Variants in TIAM2 observed in about 807,000 individuals in gnomAD.
The protein encoded by TIAM2 is rho guanine nucleotide exchange factor TIAM2.
Under a neutral mutation model 152.9 loss-of-function variants are expected in TIAM2, and 80 were observed. The observed-to-expected ratio is 0.52, with a 90% CI of 0.44 to 0.63. TIAM2 has a LOEUF of 0.63. TIAM2 is among the 30% of genes least tolerant of loss of function. TIAM2 has a pLI of 0.00. For missense variants in TIAM2, 1,965 were observed against 2,120.1 expected (o/e 0.93, Z 1.44); for synonymous variants, 804 against 838.0 (o/e 0.96, Z 0.70).
At chr6:155,119,092 T>A (rs374687662) in intron 2 of TIAM2, among the ~76,000 whole-genome samples, 1 of 151,872 alleles carries the variant, frequency 6.6e-6, no homozygotes, top group Non-Finnish European at 1.5e-5. Flanking sequence ...TGGAGTGCAG[T>A]GGCGCGATCT....
intron 2 of TIAM2, among the ~76,000 whole-genome samples, chr6:155,098,263 C>G (rs2151954): frequency 0.6 from 90,812 of 151,868 alleles, 28,439 homozygotes; most frequent in African/African-American, 0.77. Context: ...AATTGCTTTG[C>G]GTAGTATTGC....
intron 1 of TIAM2, among the ~76,000 whole-genome samples, chr6:155,046,057 A>G (rs1777167816): frequency 6.6e-6 from 1 of 151,442 alleles, no homozygotes; most frequent in African/African-American, 2.4e-5. Flanking sequence ...CTGCTCCCAC[A>G]CCATTGCCTT....
At chr6:155,198,555 G>T (rs139583104) in intron 14 of TIAM2, among the ~76,000 whole-genome samples, 2 of 150,954 alleles carry the variant, frequency 1.3e-5, no homozygotes, top group Admixed American at 6.6e-5. Context: ...CCAGCTACTC[G>T]GAAGGCTGAG....
At chr6:154,996,087 A>C (rs548695572) in intron 1 of TIAM2, among the ~76,000 whole-genome samples, 1 of 152,204 alleles carries the variant, frequency 6.6e-6, no homozygotes, top group Non-Finnish European at 1.5e-5. Flanking sequence ...CTGAGGTGCC[A>C]AGTTTCTGTG....
rs113336439 is a variant in TIAM2 at position 155,032,095 on chromosome 6, G to GGTTTTGACTCA, written c.-209+36605_-209+36606insTTTGACTCAGT. ...GATGGAAGATCTGTGAGGGAAAAAA[G>GGTTTTGACTCA]GTGGGAGAGGTCATGCTACTGTGAG... On this transcript the variant is annotated intron_variant, in intron 1 of 26. Transcript: ENST00000682666. Among the ~76,000 whole-genome samples the GGTTTTGACTCA allele has an allele frequency of 2.8e-3, 422 of 151,910 alleles. 1 individual carries two copies. Among genetic ancestry groups the GGTTTTGACTCA allele is most frequent in the African/African-American group, 9.7e-3 (401 of 41,426 alleles).
At chr6:155,230,752 A>AT (rs1218658406) in intron 15 of TIAM2, among the ~76,000 whole-genome samples, 2 of 151,316 alleles carry the variant, frequency 1.3e-5, no homozygotes, top group African/African-American at 2.4e-5. Flanking sequence ...ATGTAGTTCA[A>AT]TTTTATAAAA....
intron 1 of TIAM2, among the ~76,000 whole-genome samples, chr6:155,054,815 C>A (rs991484544): frequency 3.9e-5 from 6 of 152,102 alleles, no homozygotes; most frequent in African/African-American, 7.2e-5. Context: ...TGTAAAGTGT[C>A]ATTTTGGAAT....
At chr6:155,094,863 A>T (rs570904181) in intron 2 of TIAM2, among the ~76,000 whole-genome samples, 1 of 151,826 alleles carries the variant, frequency 6.6e-6, no homozygotes, top group African/African-American at 2.4e-5. Flanking sequence ...GATTACAGGC[A>T]TGAGCCACCG....
Position 155,129,747 on chromosome 6 carries a change from T to C in TIAM2, c.524T>C (p.Val175Ala), listed in dbSNP as rs1779395626. The C allele has an allele frequency of 6.2e-7, 1 of 1,613,724 alleles. No homozygotes were observed. Among genetic ancestry groups the C allele is most frequent in the Non-Finnish European group, 8.5e-7 (1 of 1,180,004 alleles). The change falls in exon 4 of 27, where the codon GTC becomes GCC. Residue 175 changes from valine to alanine, a missense_variant. Physicochemically the swap from Val to Ala is moderately conservative, Grantham distance 64. Transcript: ENST00000682666. The surrounding 1 kb of genome is among the most constrained non-coding windows in gnomAD (Gnocchi z 4.8). The stretch of plus-strand genomic sequence containing the variant: ...GGGAAGCTGGATGGGTGTTTAAGGG[T>C]CGAGTTCCACAATGGTGGCAACCCC... ...TLGKLDGCLR[V>A]EFHNGGNPSK...
chr6:155,068,151 G>A (rs890925500), intron 1 of TIAM2, among the ~76,000 whole-genome samples: 5 of 152,110 alleles, frequency 3.3e-5, no homozygotes, highest in African/African-American at 7.2e-5. Flanking sequence ...TGCCACAGGC[G>A]CCAGAGTTTC....
chr6:155,208,881 T>C (rs1453633006), intron 14 of TIAM2, among the ~76,000 whole-genome samples: 1 of 152,116 alleles, frequency 6.6e-6, no homozygotes, highest in East Asian at 1.9e-4. Context: ...CCCCACTCTG[T>C]GCAGCCACAC....
At chr6:155,233,739 G>A (rs1232451269) in intron 15 of TIAM2, among the ~76,000 whole-genome samples, 3 of 152,124 alleles carry the variant, frequency 2.0e-5, no homozygotes, top group Non-Finnish European at 4.4e-5. Flanking sequence ...TGGGAGGATC[G>A]CTGGAGTTCA....
At chr6:155,216,390 T>A (rs780147650) in intron 15 of TIAM2, among the ~76,000 whole-genome samples, 9 of 152,202 alleles carry the variant, frequency 5.9e-5, no homozygotes, top group Non-Finnish European at 1.2e-4. Flanking sequence ...GAATAAAGAA[T>A]AATTTCCCTT....
chr6:155,104,050 C>CCCCCCCCCCCCCA (rs1778617598), intron 2 of TIAM2, among the ~76,000 whole-genome samples: 1 of 87,546 alleles, frequency 1.1e-5, no homozygotes, highest in African/African-American at 5.7e-5. Flanking sequence ...ACCCCCCCCC[C>CCCCCCCCCCCCCA]CACACCCCCA....
chr6:155,164,208 T>C (rs1217551248), intron 7 of TIAM2, among the ~76,000 whole-genome samples: 2 of 149,786 alleles, frequency 1.3e-5, no homozygotes, highest in Non-Finnish European at 3.0e-5. Flanking sequence ...TGCCTGACCT[T>C]CAGTGATCTG....
chr6:155,055,523 G>A (rs1046825823), intron 1 of TIAM2, among the ~76,000 whole-genome samples: 8 of 152,184 alleles, frequency 5.3e-5, no homozygotes, highest in Non-Finnish European at 1.0e-4. Context: ...AATAGGAAAT[G>A]ACTTTTGGTT....
At chr6:155,161,810 T>C (rs1780280190) in intron 7 of TIAM2, among the ~76,000 whole-genome samples, 1 of 152,050 alleles carries the variant, frequency 6.6e-6, no homozygotes, top group Non-Finnish European at 1.5e-5. Flanking sequence ...ACTCCTGACC[T>C]CCAATGATCT....
chr6:155,000,262 C>CG lies in TIAM2; in HGVS notation c.-209+4772dup, dbSNP rs376693817. Among the ~76,000 whole-genome samples, 146 of 152,106 alleles carry CG rather than the reference C, an allele frequency of 9.6e-4. 1 individual carries two copies. The highest frequency in any genetic ancestry group is 3.3e-3 in the African/African-American group (137 of 41,532). The stretch of plus-strand genomic sequence containing the variant: ...AAGAACTGTTAAGCTGGGCTGGGTG[C>CG]GGTGGCTCACGCCTATAATCCCAGC... On this transcript the variant is annotated intron_variant, in intron 1 of 26. Coordinates refer to ENST00000682666, the MANE Select transcript of TIAM2 (RefSeq NM_012454.4).
At chr6:155,084,566 C>T (rs753968400) in intron 1 of TIAM2, among the ~76,000 whole-genome samples, 49 of 151,978 alleles carry the variant, frequency 3.2e-4, no homozygotes, top group Non-Finnish European at 6.5e-4. Flanking sequence ...ATACCTTGTT[C>T]TCCTTCTAGC....
Sources: gnomAD v4.1 joint callset for allele counts (sites outside exome capture counted in the v4.1 genomes callset) on GRCh38, gnomAD v4.1.1 for gene constraint, Gnocchi (gnomAD v3.1) non-coding constraint, MANE v1.5 for transcripts, NCBI Gene and HGNC (gene_info 2026-07-23, HGNC 2026-07-21) for gene names.